The following SLC37A1 variants were observed in gnomAD, a reference collection of about 807,000 sequenced individuals.
The protein encoded by SLC37A1 is solute carrier family 37 member 1.
In SLC37A1, 49 loss-of-function variants were observed where a neutral mutation model predicts 75.3. The ratio of observed to expected loss-of-function variants is 0.65; its 90% confidence interval spans 0.52 to 0.83. The LOEUF is 0.83. SLC37A1 is among the 40% of genes least tolerant of loss of function. The pLI, the probability that SLC37A1 is intolerant of heterozygous loss-of-function variation, is 0.00. For synonymous variants in SLC37A1, 268 were observed against 292.1 expected (o/e 0.92, Z 0.84); for missense variants, 566 against 695.0 (o/e 0.81, Z 2.09).
chr21:42,572,690 A>AAAAG (rs1344604802), intron 17 of SLC37A1, among the ~76,000 whole-genome samples: 5 of 146,136 alleles, frequency 3.4e-5, no homozygotes, highest in African/African-American at 1.3e-4. Context: ...AAAAAAAAAA[A>AAAAG]AGAGTGTGTC....
intron 18 of SLC37A1, chr21:42,575,128 G>A: frequency 1.0e-6 from 1 of 985,474 alleles, no homozygotes; most frequent in Non-Finnish European, 1.2e-6. Flanking sequence ...CTGCAGCCTT[G>A]GGCGGGATAG....
intron 9 of SLC37A1, among the ~76,000 whole-genome samples, chr21:42,551,782 T>G (rs1451696535): frequency 6.6e-6 from 1 of 152,212 alleles, no homozygotes; most frequent in African/African-American, 2.4e-5. Flanking sequence ...GCTCTTCTAA[T>G]TTATAGGACC....
rs973868250 is a variant in SLC37A1, at chr21:42,558,885, C to T, written c.850-73C>T. On this transcript the variant is annotated intron_variant, in intron 10 of 19. Transcript: ENST00000352133. ...GCCAGGCACCCTCGTCATTAGGAAG[C>T]CTGGCCCCACTTCACCCAGACTGCC... 1.2e-4 allele frequency: 196 copies of T among 1,598,364 alleles called. No individual in the cohort carries two copies. The African/African-American group carries it at 2.3e-3, about 19-fold the overall frequency.
intron 5 of SLC37A1, among the ~76,000 whole-genome samples, chr21:42,539,208 C>T (rs573460440): frequency 5.1e-4 from 78 of 152,314 alleles, no homozygotes; most frequent in African/African-American, 1.9e-3. Flanking sequence ...ACTAGCAAGA[C>T]GAGTTCCTGT....
At chr21:42,504,585 G>A (rs1270187194) in intron 2 of SLC37A1, among the ~76,000 whole-genome samples, 1 of 152,172 alleles carries the variant, frequency 6.6e-6, no homozygotes, top group Admixed American at 6.5e-5. Context: ...GACCCAGAAA[G>A]CAAGAACTCA....
rs1412864010 is a variant in SLC37A1 at position 42,552,423 on chromosome 21, G to A, written c.769-1639G>A. 6.6e-6 allele frequency among the ~76,000 whole-genome samples: 1 copy of A among 152,242 alleles called. No homozygotes were observed. The highest frequency in any genetic ancestry group is 2.4e-5 in the African/African-American group (1 of 41,464). The stretch of plus-strand genomic sequence containing the variant: ...CTGGAGAGAGCCAGCCCAGGATGAT[G>A]TGGGGTGTGCGTGTTGAGTGTCAGG... On this transcript the variant is annotated intron_variant, in intron 9 of 19. Coordinates refer to ENST00000352133, the MANE Select transcript of SLC37A1 (RefSeq NM_001320537.2). The surrounding 1 kb of genome is among the most constrained non-coding windows in gnomAD (Gnocchi z 4.2).
At position 42,580,368 on chromosome 21, in the gene SLC37A1, C is replaced by T. The variant is rs753741471; in HGVS notation, c.*8C>T. ...AGATTTAAGGAACAGTGACACCCCA[C>T]CCCAGTCCCGTGGAGGGGGTCTGGG... On this transcript the variant is annotated 3_prime_UTR_variant, in exon 20 of 20. Coordinates refer to ENST00000352133, the MANE Select transcript of SLC37A1 (RefSeq NM_001320537.2). The T allele has an allele frequency of 6.2e-7, 1 of 1,613,222 alleles. No individual in the cohort carries two copies. The highest frequency in any genetic ancestry group is 8.5e-7 in the Non-Finnish European group (1 of 1,179,770).
At chr21:42,563,171 T>C (rs1401293667) in intron 12 of SLC37A1, among the ~76,000 whole-genome samples, 3 of 152,144 alleles carry the variant, frequency 2.0e-5, no homozygotes, top group African/African-American at 7.2e-5. Context: ...GCCAGTGAGC[T>C]GCACACAGCT....
chr21:42,562,990 G>A (rs192286734), intron 12 of SLC37A1, among the ~76,000 whole-genome samples: 9 of 152,284 alleles, frequency 5.9e-5, no homozygotes, highest in Middle Eastern at 6.8e-3. Context: ...CTGGCAGCAC[G>A]AGGCTGGAGA....
Position 42,554,113 on chromosome 21 carries a change from A to G in SLC37A1, c.820A>G (p.Ile274Val), listed in dbSNP as rs753532620. 2 of 1,613,802 alleles carry G rather than the reference A, an allele frequency of 1.2e-6. No homozygotes were observed. Among genetic ancestry groups the G allele is most frequent in the South Asian group, 2.2e-5 (2 of 91,052 alleles). ...AAACAGATTGAGACTCCAGAAGCAA[A>G]TCTTGAAGAGCGAAAAGAACAAGCC... Reference protein sequence around the residue: ...GTNRLRLQKQILKSEKNKPLD... With the variant: ...GTNRLRLQKQVLKSEKNKPLD... The change falls in exon 10 of 20, where the codon ATC becomes GTC. Residue 274 changes from isoleucine to valine, a missense_variant. Coordinates refer to ENST00000352133, the MANE Select transcript of SLC37A1 (RefSeq NM_001320537.2).
intron 1 of SLC37A1, among the ~76,000 whole-genome samples, chr21:42,500,819 A>G (rs937874562): frequency 2.0e-5 from 3 of 152,228 alleles, no homozygotes; most frequent in African/African-American, 7.2e-5. Context: ...AAGCGTAAGT[A>G]GGTATTTGAA....
intron 19 of SLC37A1, among the ~76,000 whole-genome samples, chr21:42,580,048 C>G (rs965615629): frequency 6.6e-6 from 1 of 152,194 alleles, no homozygotes; most frequent in Admixed American, 6.5e-5. Context: ...TCTGTTGGAG[C>G]TGCAGCCCCC....
chr21:42,564,867 C>T (rs960486897), intron 14 of SLC37A1, 74 bp downstream of exon 14: 2 of 1,393,596 alleles, frequency 1.4e-6, no homozygotes, highest in African/African-American at 2.8e-5. Flanking sequence ...CAGCCAGCAT[C>T]CTTCCATCTG....
At chr21:42,572,693 A>AAAAAAAAAAAAAAAT (rs2056212199) in intron 17 of SLC37A1, among the ~76,000 whole-genome samples, 1 of 145,064 alleles carries the variant, frequency 6.9e-6, no homozygotes, top group Non-Finnish European at 1.5e-5. Flanking sequence ...AAAAAAAAAG[A>AAAAAAAAAAAAAAAT]GTGTGTCCTG....
At position 42,554,236 on chromosome 21, in the gene SLC37A1, C is replaced by A. The variant is rs948728095; in HGVS notation, c.849+94C>A. 5 of 1,050,906 alleles carry A rather than the reference C, an allele frequency of 4.8e-6. No homozygotes were observed. In the African/African-American group the frequency reaches 4.8e-5, roughly 10 times the overall value. The allele number at this position is 1,050,906 out of a possible 1,614,324, so 65.1% of individuals were successfully genotyped here. On this transcript the variant is annotated intron_variant, in intron 10 of 19. Transcript: ENST00000352133. ...GCTCTCTGTCCCTCTGCCTATGTGA[C>A]ATGTGTCACAAACATCCAGGTCTTA...
intron 7 of SLC37A1, 69 bp from the exon 8 acceptor site, chr21:42,543,367 G>A (rs927689286): frequency 4.0e-5 from 63 of 1,581,218 alleles, no homozygotes; most frequent in African/African-American, 2.0e-4. Flanking sequence ...GCACTGCTGC[G>A]CCCTGCACTG....
intron 12 of SLC37A1, among the ~76,000 whole-genome samples, chr21:42,562,937 A>G (rs1264352535): frequency 3.3e-5 from 5 of 152,198 alleles, no homozygotes. Flanking sequence ...TGAGGAGCAC[A>G]GACCACCTAT....
chr21:42,543,724 C>A, intron 8 of SLC37A1, 122 bp downstream of exon 8: 1 of 952,974 alleles, frequency 1.0e-6, no homozygotes, highest in Non-Finnish European at 1.5e-6. Flanking sequence ...CCGTGGCTGC[C>A]TCAGCGCTCT....
intron 2 of SLC37A1, among the ~76,000 whole-genome samples, chr21:42,506,139 G>A (rs1290734466): frequency 6.6e-6 from 1 of 152,212 alleles, no homozygotes; most frequent in African/African-American, 2.4e-5. Context: ...TGAATTTAAA[G>A]TGGCATTTCC....
Sources: gnomAD v4.1 joint callset for allele counts (sites outside exome capture counted in the v4.1 genomes callset) on GRCh38, gnomAD v4.1.1 for gene constraint, Gnocchi (gnomAD v3.1) non-coding constraint, MANE v1.5 for transcripts, NCBI Gene and HGNC (gene_info 2026-07-23, HGNC 2026-07-21) for gene names.